Variants in TLR5 observed in about 807,000 individuals in gnomAD.
The protein encoded by TLR5 is toll-like receptor 5.
For synonymous variants in TLR5, 373 were observed against 384.4 expected (o/e 0.97, Z 0.35); for missense variants, 944 against 999.8 (o/e 0.94, Z 0.75).
intron 5 of TLR5, among the ~76,000 whole-genome samples, chr1:223,117,892 G>T (rs561874281): frequency 6.6e-6 from 1 of 152,202 alleles, no homozygotes; most frequent in Non-Finnish European, 1.5e-5. Flanking sequence ...CTAAATATGA[G>T]TGCCACATAT....
At chr1:223,125,865 CAG>C (rs1424256240) in intron 5 of TLR5, among the ~76,000 whole-genome samples, 1 of 152,178 alleles carries the variant, frequency 6.6e-6, no homozygotes, top group Non-Finnish European at 1.5e-5. Context: ...ACTCCACCAG[CAG>C]AGAGTCTGAT....
At position 223,111,753 on chromosome 1, in the gene TLR5, G is replaced by A. The variant is rs771837539; in HGVS notation, c.1279C>T (p.Leu427Phe). 5 of 1,614,128 alleles carry A rather than the reference G, an allele frequency of 3.1e-6. No homozygotes were observed. The highest frequency in any genetic ancestry group is 4.2e-6 in the Non-Finnish European group (5 of 1,180,018). The part of the protein sequence containing the change: ...TLPKINLTAN[L>F]IHLSENRLEN... ...AGCCTGTTTTCTGATAAGTGGATGA[G>A]GTTCGCTGTAAGGTTGATCTTTGGC... The change falls in exon 6 of 6, where the codon CTC becomes TTC. Residue 427 changes from leucine to phenylalanine, a missense_variant. By Grantham distance (22) the Leu-to-Phe change is conservative. Transcript: ENST00000642603.
At chr1:223,133,841 G>A (rs1450779714) in intron 4 of TLR5, among the ~76,000 whole-genome samples, 1 of 152,188 alleles carries the variant, frequency 6.6e-6, no homozygotes, top group African/African-American at 2.4e-5. Flanking sequence ...CTAGAGACCA[G>A]CAGAGGGCGC....
chr1:223,130,720 C>A (rs575992190), intron 5 of TLR5, among the ~76,000 whole-genome samples: 4 of 152,312 alleles, frequency 2.6e-5, no homozygotes, highest in African/African-American at 9.6e-5. Context: ...CTTGAAAAAT[C>A]ATTTTGCATC....
intron 5 of TLR5, among the ~76,000 whole-genome samples, chr1:223,117,363 C>G (rs1324483964): frequency 6.6e-6 from 1 of 151,974 alleles, no homozygotes; most frequent in Non-Finnish European, 1.5e-5. Context: ...CCGGCCTCAG[C>G]CAGCCCAGAG....
At chr1:223,136,746 T>A (rs768050903) in intron 3 of TLR5, among the ~76,000 whole-genome samples, 3 of 152,216 alleles carry the variant, frequency 2.0e-5, no homozygotes, top group Non-Finnish European at 4.4e-5. Flanking sequence ...AGATGGGACA[T>A]ATAGCTTATA....
At chr1:223,133,148 G>A (rs1272779837) in intron 4 of TLR5, among the ~76,000 whole-genome samples, 1 of 152,200 alleles carries the variant, frequency 6.6e-6, no homozygotes, top group African/African-American at 2.4e-5. Flanking sequence ...TGGATTTCGG[G>A]TTTCGGGTGA....
Position 223,136,990 on chromosome 1 carries a change from A to G in TLR5, c.-353+188T>C, listed in dbSNP as rs576437468. Reference sequence around the variant, plus strand: ...AGGCACATGCTACCATGCCCAGCTAATCTTTCTATTTTTTGTAGAAGTGGG... The same window carrying G: ...AGGCACATGCTACCATGCCCAGCTAGTCTTTCTATTTTTTGTAGAAGTGGG... On this transcript the variant is annotated intron_variant, in intron 3 of 5. Transcript: ENST00000642603. Among the ~76,000 whole-genome samples the G allele has an allele frequency of 3.9e-5, 6 of 152,192 alleles. No homozygotes were observed. In the East Asian group the frequency reaches 1.2e-3, roughly 29 times the overall value.
In TLR5 at chr1:223,110,237, C is replaced by G; in HGVS notation, c.*218G>C. Reference sequence around the variant, plus strand: ...GAAAATCAATGGAGACTGGAAACCTCTAAGGGCAGTTGCAATTTTCTAGAT... The same window carrying G: ...GAAAATCAATGGAGACTGGAAACCTGTAAGGGCAGTTGCAATTTTCTAGAT... On this transcript the variant is annotated 3_prime_UTR_variant, in exon 6 of 6. Transcript: ENST00000642603. 1 of 588,698 alleles carries G rather than the reference C, an allele frequency of 1.7e-6. No individual in the cohort carries two copies. The highest frequency in any genetic ancestry group is 3.0e-6 in the Non-Finnish European group (1 of 334,954). The allele number at this position is 588,698 out of a possible 1,614,324, so 36.5% of individuals were successfully genotyped here. A position where few individuals can be genotyped will look rare whatever the true frequency, so the allele number is the denominator to read the frequency against.
chr1:223,115,192 TCTC>T (rs1170372969), intron 5 of TLR5, among the ~76,000 whole-genome samples: 1 of 152,200 alleles, frequency 6.6e-6, no homozygotes, highest in Non-Finnish European at 1.5e-5. Context: ...GAATAGTTTT[TCTC>T]CTCAATAACT....
intron 5 of TLR5, among the ~76,000 whole-genome samples, chr1:223,119,236 A>G (rs1056282164): frequency 6.6e-6 from 1 of 152,132 alleles, no homozygotes; most frequent in African/African-American, 2.4e-5. Flanking sequence ...GCATCCACAC[A>G]GCTGTAGGAT....
chr1:223,109,440 A>G lies in TLR5; in HGVS notation c.*1015T>C, dbSNP rs1656213241. On this transcript the variant is annotated 3_prime_UTR_variant, in exon 6 of 6. Transcript: ENST00000642603. Reference sequence around the variant, plus strand: ...CATAGATTTCATTTAAGATAAAAAAATACAACTTCAGTGAAATTGCAACTG... The same window carrying G: ...CATAGATTTCATTTAAGATAAAAAAGTACAACTTCAGTGAAATTGCAACTG... 6.6e-6 allele frequency: 1 copy of G among 150,646 alleles called. No individual in the cohort carries two copies. The highest frequency in any genetic ancestry group is 1.5e-5 in the Non-Finnish European group (1 of 67,522). The allele number at this position is 150,646 out of a possible 1,614,324, so 9.3% of individuals were successfully genotyped here. A position where few individuals can be genotyped will look rare whatever the true frequency, so the allele number is the denominator to read the frequency against.
intron 5 of TLR5, among the ~76,000 whole-genome samples, chr1:223,117,061 G>A (rs1656696688): frequency 2.0e-5 from 3 of 152,204 alleles, no homozygotes; most frequent in South Asian, 2.1e-4. Flanking sequence ...CACCACAGGG[G>A]GACTCGGGTA....
intron 3 of TLR5, among the ~76,000 whole-genome samples, chr1:223,135,991 G>A (rs533792504): frequency 9.9e-5 from 15 of 152,166 alleles, no homozygotes; most frequent in African/African-American, 3.6e-4. Context: ...CTAGTCATTG[G>A]TCCAGGGCAG....
chr1:223,129,263 G>A (rs774985825), intron 5 of TLR5: 1 of 152,252 alleles, frequency 6.6e-6, no homozygotes, highest in Non-Finnish European at 1.5e-5. Flanking sequence ...CAGGCACATT[G>A]GGGCCCACAT....
intron 5 of TLR5, among the ~76,000 whole-genome samples, chr1:223,116,667 T>C (rs1656671207): frequency 1.3e-5 from 2 of 152,178 alleles, no homozygotes; most frequent in South Asian, 4.1e-4. Context: ...ATCCTGCTTA[T>C]TGGTCCATTT....
intron 5 of TLR5, among the ~76,000 whole-genome samples, chr1:223,121,065 A>G (rs1421596064): frequency 6.6e-6 from 1 of 152,246 alleles, no homozygotes; most frequent in African/African-American, 2.4e-5. Context: ...CCTGGGCGAC[A>G]GAGCAAGACC....
chr1:223,129,580 CTG>C (rs1254349831), intron 5 of TLR5: 1 of 152,370 alleles, frequency 6.6e-6, no homozygotes, highest in Non-Finnish European at 1.5e-5. Context: ...GGAGAGGAAA[CTG>C]GGGTCAGGGA....
intron 3 of TLR5, among the ~76,000 whole-genome samples, chr1:223,135,184 G>A (rs1294047584): frequency 6.6e-6 from 1 of 152,120 alleles, no homozygotes; most frequent in Non-Finnish European, 1.5e-5. Flanking sequence ...AAGGAAAGGT[G>A]GGGGGCACTC....
Sources: gnomAD v4.1 joint callset for allele counts (sites outside exome capture counted in the v4.1 genomes callset) on GRCh38, gnomAD v4.1.1 for gene constraint, MANE v1.5 for transcripts, NCBI Gene and HGNC (gene_info 2026-07-23, HGNC 2026-07-21) for gene names.